SEC24C: variants seen among roughly 807,000 people sequenced by gnomAD.
SEC24C encodes protein transport protein Sec24C.
SEC24C carries 22 observed loss-of-function variants against 117.0 expected under a neutral mutation model. That is an observed-to-expected ratio of 0.19 (90% CI 0.13 to 0.27). The LOEUF (loss-of-function observed/expected upper bound fraction) is 0.27, where lower values mean the gene tolerates loss of function less well. SEC24C is among the 10% of genes least tolerant of loss of function. The pLI is 1.00. For synonymous variants in SEC24C, 506 were observed against 529.4 expected (o/e 0.96, Z 0.61); for missense variants, 1,155 against 1,375.1 (o/e 0.84, Z 2.53).
chr10:73,769,673 G>T lies in SEC24C; in HGVS notation c.2622G>T (p.Gln874His). ...CTGTTCGTGACACGCTCATCACCCA[G>T]TGTGCCCAGATCCTGGCCTGTTACA... is the stretch of plus-strand genomic sequence containing the variant. The part of the protein sequence containing the change: ...VKAVRDTLIT[Q>H]CAQILACYRK... The change falls in exon 19 of 23, where the codon CAG (glutamine) becomes CAT (histidine). Residue 874 changes from glutamine (Q) to histidine (H), a missense_variant. Around this residue, in one of 2 missense-constraint regions of SEC24C, gnomAD observed 759 missense variants for 992.3 expected, o/e 0.76. Coordinates refer to ENST00000345254, the MANE Select transcript of SEC24C (RefSeq NM_198597.3). This position sits in a 1 kb window ranked among gnomAD's most constrained non-coding sequence, Gnocchi z 4.5. 6.2e-7 allele frequency: 1 copy of T among 1,614,228 alleles called. No homozygotes were observed. The highest frequency in any genetic ancestry group is 1.3e-5 in the African/African-American group (1 of 75,056).
chr10:73,758,007 G>A (rs1337683546), intron 3 of SEC24C, among the ~76,000 whole-genome samples: 8 of 151,652 alleles, frequency 5.3e-5, no homozygotes, highest in Admixed American at 1.3e-4. Flanking sequence ...AGGTTGAGGC[G>A]GGCGAATCAC....
intron 2 of SEC24C, among the ~76,000 whole-genome samples, chr10:73,747,365 A>T (rs2082571884): frequency 6.7e-6 from 1 of 149,768 alleles, no homozygotes; most frequent in Non-Finnish European, 1.5e-5. Flanking sequence ...GTATTTTTTT[A>T]ATTTATTTTG....
In SEC24C at chr10:73,766,162, T is replaced by C. The variant is rs934725153; in HGVS notation, c.1559T>C (p.Val520Ala). 7 of 1,613,866 alleles carry C rather than the reference T, an allele frequency of 4.3e-6. No individual in the cohort carries two copies. The highest frequency in any genetic ancestry group is 5.9e-6 in the Non-Finnish European group (7 of 1,180,006). ...VSYNAIRTGLVRLLCEELKSL... is the reference protein window; with the variant it reads ...VSYNAIRTGLARLLCEELKSL... ...TACAATGCCATCAGGACTGGTCTTG[T>C]TAGGCTCCTCTGTGAGGAGCTCAAG... Residue 520 changes from valine (V) to alanine (A), a missense_variant, in exon 11 of 23, where the codon GTT becomes GCT. Physicochemically the swap from Val to Ala is moderately conservative, Grantham distance 64. Around this residue, in one of 2 missense-constraint regions of SEC24C, gnomAD observed 759 missense variants for 992.3 expected, o/e 0.76. Coordinates refer to ENST00000345254, the MANE Select transcript of SEC24C (RefSeq NM_198597.3).
chr10:73,762,624 G>C (rs1206823604), intron 6 of SEC24C, among the ~76,000 whole-genome samples: 3 of 152,236 alleles, frequency 2.0e-5, no homozygotes, highest in Non-Finnish European at 2.9e-5. Flanking sequence ...AGAAGGGACT[G>C]CTGGTTTGGG....
chr10:73,746,588 A>G, intron 1 of SEC24C: 1 of 409,390 alleles, frequency 2.4e-6, no homozygotes. Flanking sequence ...TTAGACAGTG[A>G]CAAAGGGTGG....
rs752246592 is a variant in SEC24C at position 73,760,147 on chromosome 10, G to C, written c.611G>C (p.Arg204Pro). Residue 204 changes from arginine to proline, a missense_variant, in exon 5 of 23, where the codon CGA (arginine) becomes CCA (proline). Arg to Pro is a moderately radical substitution (Grantham distance 103). Coordinates refer to ENST00000345254, the MANE Select transcript of SEC24C (RefSeq NM_198597.3). ...CATCCTGGGATCCAGACTCCCCAGC[G>C]ATCTGCCCCATCACAGGCCTCCAGC... Reference protein sequence around the residue: ...QGHPGIQTPQRSAPSQASSFT... With the variant: ...QGHPGIQTPQPSAPSQASSFT... 3.7e-6 allele frequency: 6 copies of C among 1,613,980 alleles called. No homozygotes were observed. The African/African-American group carries it at 5.3e-5, about 14-fold the overall frequency.
chr10:73,745,873 C>T (rs1336824359), intron 1 of SEC24C, among the ~76,000 whole-genome samples: 2 of 151,174 alleles, frequency 1.3e-5, no homozygotes, highest in Non-Finnish European at 2.9e-5. Flanking sequence ...TTTAATGCTT[C>T]GGTTTTGGCC....
chr10:73,752,780 T>C (rs1467874081), intron 3 of SEC24C, among the ~76,000 whole-genome samples: 5 of 151,990 alleles, frequency 3.3e-5, no homozygotes, highest in Non-Finnish European at 5.9e-5. Context: ...GCCATGATTG[T>C]ACTGCTGCAC....
At chr10:73,746,188 A>G (rs891512900) in intron 1 of SEC24C, among the ~76,000 whole-genome samples, 2 of 147,320 alleles carry the variant, frequency 1.4e-5, no homozygotes, top group South Asian at 4.4e-4. Context: ...AAAAACCTTC[A>G]GTTTTAAGGT....
Position 73,772,096 on chromosome 10 carries a change from C to A in SEC24C, c.*1001C>A. ...TGCCCCTGCTCTGGACCTCTCATTT[C>A]TCTTCATTGGTTTATTTTTCAATGC... On this transcript the variant is annotated 3_prime_UTR_variant, in exon 23 of 23. Transcript: ENST00000345254. 1 of 408,192 alleles carries A rather than the reference C, an allele frequency of 2.4e-6. No individual in the cohort carries two copies. Among genetic ancestry groups the A allele is most frequent in the Non-Finnish European group, 4.3e-6 (1 of 231,784 alleles). The allele number at this position is 408,192 out of a possible 1,614,324, so 25.3% of individuals were successfully genotyped here. A position where few individuals can be genotyped will look rare whatever the true frequency, so the allele number is the denominator to read the frequency against.
In SEC24C at chr10:73,746,889, C is replaced by T; in HGVS notation, c.57C>T (p.Ile19=). Residue 19 remains isoleucine, a synonymous_variant, in exon 2 of 23, where the codon ATC becomes ATT. Coordinates refer to ENST00000345254, the MANE Select transcript of SEC24C (RefSeq NM_198597.3). ...PVPPFGQPQP[I]YPGYHQSSYG... Reference sequence around the variant, plus strand: ...CACCATTTGGGCAGCCCCAGCCCATCTACCCAGGGTATCATCAGTCCAGCT... The same window carrying T: ...CACCATTTGGGCAGCCCCAGCCCATTTACCCAGGGTATCATCAGTCCAGCT... 1 of 1,613,784 alleles carries T rather than the reference C, an allele frequency of 6.2e-7. No homozygotes were observed. Among genetic ancestry groups the T allele is most frequent in the Non-Finnish European group, 8.5e-7 (1 of 1,179,836 alleles).
Position 73,771,674 on chromosome 10 carries a change from G to A in SEC24C, c.*579G>A, listed in dbSNP as rs2082985298. The A allele has an allele frequency of 6.5e-6, 1 of 153,726 alleles. No homozygotes were observed. Among genetic ancestry groups the A allele is most frequent in the South Asian group, 2.0e-4 (1 of 4,898 alleles). The allele number at this position is 153,726 out of a possible 1,614,324, so 9.5% of individuals were successfully genotyped here. A position where few individuals can be genotyped will look rare whatever the true frequency, so the allele number is the denominator to read the frequency against. On this transcript the variant is annotated 3_prime_UTR_variant, in exon 23 of 23. Coordinates refer to ENST00000345254, the MANE Select transcript of SEC24C (RefSeq NM_198597.3). ...TCCTGCAATGATTGATGATCACTCC[G>A]TGGATAGAGAGGCACACTGTCAGAG...
chr10:73,769,041 C>T lies in SEC24C; in HGVS notation c.2313C>T (p.Tyr771=), dbSNP rs1350736970. 1.2e-6 allele frequency: 2 copies of T among 1,614,112 alleles called. No individual in the cohort carries two copies. The highest frequency in any genetic ancestry group is 1.7e-6 in the Non-Finnish European group (2 of 1,180,048). Reference sequence around the variant, plus strand: ...CTGTAGATTTCTTTGGAGCTTTCTACATGAGCAACACGACAGATGTGGAGC... The same window carrying T: ...CTGTAGATTTCTTTGGAGCTTTCTATATGAGCAACACGACAGATGTGGAGC... ...IRAVDFFGAF[Y]MSNTTDVELA... The change falls in exon 17 of 23, where the codon TAC becomes TAT. Residue 771 remains tyrosine, a synonymous_variant. Transcript: ENST00000345254. This position sits in a 1 kb window ranked among gnomAD's most constrained non-coding sequence, Gnocchi z 4.5.
intron 15 of SEC24C, 116 bp from the exon 16 acceptor site, chr10:73,768,690 CCTCA>C (rs909225385): frequency 9.4e-6 from 8 of 854,922 alleles, no homozygotes; most frequent in African/African-American, 6.7e-5. Flanking sequence ...TCATTATCAT[CCTCA>C]CTGTTATGAT....
chr10:73,764,827 T>G (rs2082855982), intron 8 of SEC24C, among the ~76,000 whole-genome samples: 1 of 152,238 alleles, frequency 6.6e-6, no homozygotes, highest in African/African-American at 2.4e-5. Context: ...GATACTCATA[T>G]TCAGCCTTGC....
rs895262989 is a variant in SEC24C at position 73,771,207 on chromosome 10, G to C, written c.*112G>C. 2.6e-5 allele frequency: 32 copies of C among 1,245,608 alleles called. No homozygotes were observed. In the East Asian group the frequency reaches 4.0e-4, roughly 15 times the overall value. 77.2% of individuals were successfully genotyped at this position (1,245,608 alleles called of 1,614,324 possible). On this transcript the variant is annotated 3_prime_UTR_variant, in exon 23 of 23. Transcript: ENST00000345254. ...ATGTAAGCTGACCTCAGTCTCTCTG[G>C]GGGGAGGGGGAGATATAAGGAGACA...
chr10:73,765,529 A>C lies in SEC24C; in HGVS notation c.1306A>C (p.Met436Leu). ...NRCKAYMCPF[M>L]QFIEGGRRFQ... ...CTGCAAAGCATACATGTGTCCCTTC[A>C]TGCAGTTCATTGAAGGAGGGAGGCG... Residue 436 changes from methionine to leucine, a missense_variant, in exon 9 of 23, where the codon ATG becomes CTG. By Grantham distance (15) the Met-to-Leu change is conservative. Transcript: ENST00000345254. 1 of 1,614,174 alleles carries C rather than the reference A, an allele frequency of 6.2e-7. No individual in the cohort carries two copies. Among genetic ancestry groups the C allele is most frequent in the Non-Finnish European group, 8.5e-7 (1 of 1,179,988 alleles).
In SEC24C at chr10:73,770,745, A is replaced by C. The variant is rs765130373; in HGVS notation, c.3091A>C (p.Lys1031Gln). The change falls in exon 22 of 23, where the codon AAG (lysine) becomes CAG (glutamine). Residue 1031 changes from lysine to glutamine, a missense_variant. Lys to Gln is a moderately conservative substitution (Grantham distance 53). Transcript: ENST00000345254. ...AGTTCTGGATAATCCACTGTCCAAG[A>C]AGGTTCGAGGCCTCATTGATAGCTT... ...LPVLDNPLSK[K>Q]VRGLIDSLRA... is the part of the protein sequence containing the mutation. The C allele has an allele frequency of 2.0e-5, 32 of 1,614,026 alleles. No individual in the cohort carries two copies. Among genetic ancestry groups the C allele is most frequent in the Non-Finnish European group, 2.6e-5 (31 of 1,180,046 alleles).
chr10:73,757,099 A>G (rs1220458271), intron 3 of SEC24C, among the ~76,000 whole-genome samples: 1 of 146,490 alleles, frequency 6.8e-6, no homozygotes, highest in Non-Finnish European at 1.5e-5. Context: ...TTTTTAGTAG[A>G]GATGGAGTTT....
Sources: gnomAD v4.1 joint callset for allele counts (sites outside exome capture counted in the v4.1 genomes callset) on GRCh38, gnomAD v4.1.1 for gene constraint, gnomAD v4.1.1 regional missense constraint, Gnocchi (gnomAD v3.1) non-coding constraint, MANE v1.5 for transcripts, NCBI Gene and HGNC (gene_info 2026-07-23, HGNC 2026-07-21) for gene names.